ROS1: variants seen among roughly 807,000 people sequenced by gnomAD.
ROS1 encodes proto-oncogene tyrosine-protein kinase ROS.
A neutral mutation model predicts 273.5 loss-of-function variants in ROS1; 263 were observed. The observed-to-expected ratio is 0.96, with a 90% CI of 0.87 to 1.06. The LOEUF (loss-of-function observed/expected upper bound fraction) is 1.06, where lower values mean the gene tolerates loss of function less well. Among genes scored for constraint, ROS1 ranks in the 50% least tolerant of loss-of-function variants. The probability of loss-of-function intolerance (pLI) is 0.00; values close to 1 mark genes in which losing one functional copy is unlikely to be tolerated. For synonymous variants in ROS1, 1,008 were observed against 954.1 expected (o/e 1.06, Z -1.04); for missense variants, 2,833 against 2,751.1 (o/e 1.03, Z -0.67).
At chr6:117,409,793 C>A (rs138431188) in intron 4 of ROS1, 151 bp from the exon 5 acceptor site, 3 of 654,408 alleles carry the variant, frequency 4.6e-6, no homozygotes, top group South Asian at 3.4e-5. Context: ...GTGCCTAATA[C>A]GCAAGTACAT....
intron 28 of ROS1, among the ~76,000 whole-genome samples, chr6:117,343,095 T>G (rs1219228417): frequency 2.0e-5 from 3 of 151,966 alleles, no homozygotes; most frequent in African/African-American, 7.2e-5. Flanking sequence ...TGTTTTTTTT[T>G]TTTAAAGCTT....
chr6:117,323,430 G>A (rs1166286259), intron 35 of ROS1, among the ~76,000 whole-genome samples: 2 of 152,040 alleles, frequency 1.3e-5, no homozygotes, highest in Non-Finnish European at 2.9e-5. Context: ...AACAAAACAA[G>A]CCACAACTTT....
rs747487272 is a variant in ROS1, at chr6:117,357,817, A to C, written c.3826T>G (p.Tyr1276Asp). ...RNSTIISFSV[Y>D]PLLSRLYWTE... ...GCATTTACATACCTTAAAAGAGGATATACAGAAAAAGAAATTATTGTTGAA... is the reference window on the plus strand; with the variant it reads ...GCATTTACATACCTTAAAAGAGGATCTACAGAAAAAGAAATTATTGTTGAA... The change falls in exon 25 of 44, where the codon TAT becomes GAT. Residue 1276 changes from tyrosine (Y) to aspartate (D), a missense_variant. Coordinates refer to ENST00000368507, the MANE Select transcript of ROS1 (RefSeq NM_001378902.1). 1 of 1,604,006 alleles carries C rather than the reference A, an allele frequency of 6.2e-7. No individual in the cohort carries two copies. The highest frequency in any genetic ancestry group is 8.5e-7 in the Non-Finnish European group (1 of 1,171,984).
chr6:117,362,292 C>T (rs978102623), intron 22 of ROS1, among the ~76,000 whole-genome samples: 4 of 151,558 alleles, frequency 2.6e-5, no homozygotes, highest in African/African-American at 9.7e-5. Flanking sequence ...AATTCTTAAC[C>T]TAGTCCTTTA....
chr6:117,399,657 A>G (rs1269698597), intron 7 of ROS1, among the ~76,000 whole-genome samples: 1 of 152,218 alleles, frequency 6.6e-6, no homozygotes, highest in Admixed American at 6.5e-5. Context: ...AGGGCACCAG[A>G]CAACTCTCCC....
intron 43 of ROS1, among the ~76,000 whole-genome samples, chr6:117,298,956 G>A (rs1015308101): frequency 3.3e-5 from 5 of 151,914 alleles, no homozygotes; most frequent in African/African-American, 2.4e-5. Context: ...AATGGCTTAA[G>A]GGTATGTTTG....
chr6:117,386,912 G>A lies in ROS1; in HGVS notation c.2087C>T (p.Ser696Phe). The A allele has an allele frequency of 6.2e-7, 1 of 1,604,546 alleles. No homozygotes were observed. The highest frequency in any genetic ancestry group is 1.1e-5 in the South Asian group (1 of 90,478). ...LNSFGPGEFL[S>F]SDIGNVSDMD... ...ACCTGACACATTTCCTATATCAGAG[G>A]ATAAGAACTCTCCTGGGCCAAAGCT... Residue 696 changes from serine (S) to phenylalanine (F), a missense_variant, in exon 15 of 44, where the codon TCC (serine) becomes TTC (phenylalanine). Physicochemically the swap from Ser to Phe is radical, Grantham distance 155 (BLOSUM62 -2). Coordinates refer to ENST00000368507, the MANE Select transcript of ROS1 (RefSeq NM_001378902.1).
At chr6:117,405,847 G>A (rs1343209544) in intron 5 of ROS1, among the ~76,000 whole-genome samples, 3 of 152,128 alleles carry the variant, frequency 2.0e-5, no homozygotes, top group African/African-American at 4.8e-5. Flanking sequence ...CAGCTATGTG[G>A]CCTCAAGCAA....
intron 27 of ROS1, 98 bp from the exon 28 acceptor site, chr6:117,344,360 A>G (rs1031052671): frequency 2.5e-6 from 2 of 785,818 alleles, no homozygotes; most frequent in Non-Finnish European, 4.0e-6. Context: ...TTAGAAAGAA[A>G]TTTGTAGAGC....
intron 43 of ROS1, chr6:117,299,529 A>T (rs993489077): frequency 6.6e-6 from 1 of 152,206 alleles, no homozygotes; most frequent in Non-Finnish European, 1.5e-5. Context: ...ATAGGAAAGG[A>T]CCATTCTTTA....
chr6:117,421,687 T>A (rs1365590574), intron 1 of ROS1, among the ~76,000 whole-genome samples: 2 of 152,218 alleles, frequency 1.3e-5, no homozygotes, highest in East Asian at 3.8e-4. Context: ...ATACTTCTTT[T>A]TTGAAGTGGC....
At chr6:117,322,654 T>C (rs1455396133) in intron 35 of ROS1, among the ~76,000 whole-genome samples, 2 of 152,218 alleles carry the variant, frequency 1.3e-5, no homozygotes, top group Non-Finnish European at 2.9e-5. Context: ...TGTCTAATTT[T>C]ATGTTTATAA....
chr6:117,346,976 G>A (rs1233812205), intron 27 of ROS1, among the ~76,000 whole-genome samples: 1 of 152,072 alleles, frequency 6.6e-6, no homozygotes, highest in Non-Finnish European at 1.5e-5. Flanking sequence ...TTCCCAGAAT[G>A]TCATATAGTT....
At chr6:117,311,506 T>C (rs1775545718) in intron 39 of ROS1, among the ~76,000 whole-genome samples, 1 of 152,136 alleles carries the variant, frequency 6.6e-6, no homozygotes. Flanking sequence ...ATACTGACCT[T>C]GCAAAATTCA....
At chr6:117,362,367 C>T (rs965599096) in intron 22 of ROS1, among the ~76,000 whole-genome samples, 5 of 151,856 alleles carry the variant, frequency 3.3e-5, no homozygotes. Context: ...AAAACGAATT[C>T]CTGCATATTA....
intron 1 of ROS1, among the ~76,000 whole-genome samples, chr6:117,421,898 G>A (rs192447351): frequency 6.6e-6 from 1 of 152,080 alleles, no homozygotes; most frequent in Admixed American, 6.5e-5. Context: ...TTTTTAATTA[G>A]GCTTCTTAAG....
chr6:117,300,772 A>G (rs1774656220), intron 43 of ROS1, among the ~76,000 whole-genome samples: 1 of 152,230 alleles, frequency 6.6e-6, no homozygotes, highest in South Asian at 2.1e-4. Flanking sequence ...GGGCCATAGA[A>G]CTATCCTTTA....
intron 41 of ROS1, 58 bp from the exon 42 acceptor site, chr6:117,308,986 T>A (rs2128546635): frequency 1.3e-6 from 2 of 1,543,744 alleles, no homozygotes; most frequent in East Asian, 4.5e-5. Context: ...AGGTTTACAG[T>A]AGTTTCTCCA....
chr6:117,341,787 T>A (rs557176560), intron 29 of ROS1, among the ~76,000 whole-genome samples, 155 bp from the exon 30 acceptor site: 1 of 152,260 alleles, frequency 6.6e-6, no homozygotes, highest in East Asian at 1.9e-4. Flanking sequence ...TAATCGTAGG[T>A]TAACAGACTG....
Sources: gnomAD v4.1 joint callset for allele counts (sites outside exome capture counted in the v4.1 genomes callset) on GRCh38, gnomAD v4.1.1 for gene constraint, MANE v1.5 for transcripts, NCBI Gene and HGNC (gene_info 2026-07-23, HGNC 2026-07-21) for gene names.